Variants in GRB10 observed in about 807,000 individuals in gnomAD.
GRB10 encodes growth factor receptor bound protein 10.
In GRB10, 20 loss-of-function variants were observed where a neutral mutation model predicts 80.9. That is an observed-to-expected ratio of 0.25 (90% CI 0.17 to 0.36). The LOEUF is 0.36. GRB10 is among the 10% of genes least tolerant of loss of function. The pLI, the probability that GRB10 is intolerant of heterozygous loss-of-function variation, is 1.00. For missense variants in GRB10, 548 were observed against 747.7 expected, an observed-to-expected ratio of 0.73 and a Z score of 3.12; for synonymous variants, 291 against 291.5, an observed-to-expected ratio of 1.00 and a Z score of 0.02.
chr7:50,591,726 T>C lies in GRB10; in HGVS notation c.*1226A>G, dbSNP rs1262973840. On this transcript the variant is annotated 3_prime_UTR_variant, in exon 19 of 19. Transcript: ENST00000401949. ...AACCACTGTGAGGTACTTCTGACCC[T>C]AAGCCAGCAGAGGAGGAGCCTCTAG... The C allele has an allele frequency of 6.6e-6, 1 of 152,240 alleles. No homozygotes were observed. Among genetic ancestry groups the C allele is most frequent in the Admixed American group, 6.5e-5 (1 of 15,288 alleles). The allele number at this position is 152,240 out of a possible 1,614,324, so 9.4% of individuals were successfully genotyped here.
intron 5 of GRB10, among the ~76,000 whole-genome samples, chr7:50,696,948 G>A (rs1427656205): frequency 6.6e-6 from 1 of 152,098 alleles, no homozygotes; most frequent in African/African-American, 2.4e-5. Flanking sequence ...AATAAAATGT[G>A]GTCCATCCAC....
intron 5 of GRB10, among the ~76,000 whole-genome samples, chr7:50,699,814 T>C (rs2063903919): frequency 6.6e-6 from 1 of 152,186 alleles, no homozygotes; most frequent in East Asian, 1.9e-4. Flanking sequence ...TGTTTAAGAG[T>C]GTACACACTC....
intron 1 of GRB10, chr7:50,781,450 C>CAG (rs1394775762): frequency 1.3e-5 from 2 of 152,358 alleles, no homozygotes; most frequent in Non-Finnish European, 2.9e-5. Context: ...CAGAGACACG[C>CAG]AGGAGACTCC....
intron 7 of GRB10, among the ~76,000 whole-genome samples, chr7:50,647,810 G>A (rs767276948): frequency 2.6e-5 from 4 of 152,164 alleles, no homozygotes; most frequent in Non-Finnish European, 4.4e-5. Flanking sequence ...CCAGGCAGGC[G>A]CTGTCCAATT....
intron 2 of GRB10, among the ~76,000 whole-genome samples, chr7:50,771,402 T>C (rs953469123): frequency 1.2e-4 from 18 of 152,182 alleles, no homozygotes; most frequent in African/African-American, 4.3e-4. Context: ...GCAAGATGCA[T>C]AGCTCCAGGT....
At chr7:50,744,182 C>T (rs982800924) in intron 3 of GRB10, among the ~76,000 whole-genome samples, 2 of 152,046 alleles carry the variant, frequency 1.3e-5, no homozygotes, top group Admixed American at 6.5e-5. Flanking sequence ...GAGATTAGGA[C>T]GCAGGCGCTG....
chr7:50,750,700 G>A (rs910818571), intron 3 of GRB10, among the ~76,000 whole-genome samples: 3 of 152,170 alleles, frequency 2.0e-5, no homozygotes, highest in African/African-American at 7.2e-5. Context: ...AATACCAGAA[G>A]AGACAAGTTT....
chr7:50,737,021 G>C (rs1307187338), intron 3 of GRB10, among the ~76,000 whole-genome samples: 1 of 152,078 alleles, frequency 6.6e-6, no homozygotes, highest in Non-Finnish European at 1.5e-5. Flanking sequence ...GCAGGCCGAA[G>C]AAAAAATAAA....
chr7:50,645,402 A>C (rs1240897931), intron 7 of GRB10, among the ~76,000 whole-genome samples: 4 of 152,206 alleles, frequency 2.6e-5, no homozygotes, highest in African/African-American at 7.2e-5. Flanking sequence ...AAAAATCACC[A>C]GTGACCCACA....
chr7:50,632,983 G>A (rs189051963), intron 7 of GRB10, among the ~76,000 whole-genome samples: 1 of 152,206 alleles, frequency 6.6e-6, no homozygotes, highest in East Asian at 1.9e-4. Context: ...AGTGCAGGAC[G>A]GGATCCCTGG....
At chr7:50,597,406 T>C (rs545441399) in intron 17 of GRB10, among the ~76,000 whole-genome samples, 2 of 152,266 alleles carry the variant, frequency 1.3e-5, no homozygotes, top group Admixed American at 6.5e-5. Context: ...TCCCAAGCGC[T>C]GGTGCATGCT....
chr7:50,602,955 G>A (rs73129096), intron 17 of GRB10, among the ~76,000 whole-genome samples: 12,604 of 152,174 alleles, frequency 0.083, 791 homozygotes, highest in South Asian at 0.13. Flanking sequence ...GGAGGAGGAG[G>A]AGAATGTAGG....
rs1343450317 is a variant in GRB10 at position 50,782,507 on chromosome 7, CGCAGTGCCCGGCGCGT to C, written c.-426_-411del. On this transcript the variant is annotated 5_prime_UTR_variant, in exon 1 of 19. It introduces an in-frame stop codon into an upstream open reading frame of the 5' UTR. Coordinates refer to ENST00000401949, the MANE Select transcript of GRB10 (RefSeq NM_001350814.2). This position sits in a 1 kb window ranked among gnomAD's most constrained non-coding sequence, Gnocchi z 6.6. ...GGGTAGGGCTTCGGGGCCCGGCCCC[CGCAGTGCCCGGCGCGT>C]GGACAGCGCTCCGCATGGACAGCGC... The C allele has an allele frequency of 3.3e-5, 5 of 150,166 alleles. No homozygotes were observed. Among genetic ancestry groups the C allele is most frequent in the Non-Finnish European group, 5.9e-5 (4 of 67,316 alleles). The allele number at this position is 150,166 out of a possible 1,614,324, so 9.3% of individuals were successfully genotyped here.
chr7:50,742,271 GCA>G (rs55813195), intron 3 of GRB10, among the ~76,000 whole-genome samples: 3,542 of 46,794 alleles, frequency 0.076, 40 homozygotes, highest in South Asian at 0.2. Context: ...ACGCGCGCGC[GCA>G]CACACACACA....
chr7:50,631,022 C>A (rs1303472943), intron 7 of GRB10, among the ~76,000 whole-genome samples: 1 of 152,124 alleles, frequency 6.6e-6, no homozygotes, highest in African/African-American at 2.4e-5. Flanking sequence ...ATCTCCACGG[C>A]CCCAAACTCC....
intron 7 of GRB10, among the ~76,000 whole-genome samples, chr7:50,641,995 G>A (rs1318685038): frequency 6.6e-6 from 1 of 152,208 alleles, no homozygotes; most frequent in Non-Finnish European, 1.5e-5. Context: ...GTGGGGAGAA[G>A]GTGAGGAGTT....
chr7:50,671,794 G>A (rs1195307215), intron 6 of GRB10, among the ~76,000 whole-genome samples: 1 of 152,250 alleles, frequency 6.6e-6, no homozygotes, highest in Non-Finnish European at 1.5e-5. Flanking sequence ...GGGTTGTTTT[G>A]AGCATTTTAA....
intron 4 of GRB10, among the ~76,000 whole-genome samples, chr7:50,716,052 G>A (rs774344678): frequency 2.0e-5 from 3 of 152,208 alleles, no homozygotes; most frequent in Non-Finnish European, 4.4e-5. Flanking sequence ...GCGCTCAAGA[G>A]AGGGGGCTCT....
At chr7:50,669,557 T>G (rs1222707836) in intron 7 of GRB10, among the ~76,000 whole-genome samples, 165 bp downstream of exon 7, 1 of 152,174 alleles carries the variant, frequency 6.6e-6, no homozygotes, top group Non-Finnish European at 1.5e-5. Flanking sequence ...CCAAACTGTA[T>G]CGGCCTCATA....
Sources: allele counts gnomAD v4.1 joint callset (sites outside exome capture counted in the v4.1 genomes callset), GRCh38; gene constraint gnomAD v4.1.1; non-coding constraint Gnocchi (gnomAD v3.1); transcripts MANE v1.5; gene names NCBI Gene and HGNC (gene_info 2026-07-23, HGNC 2026-07-21).